Variants in USP34 observed in about 807,000 individuals in gnomAD.
USP34 encodes ubiquitin carboxyl-terminal hydrolase 34.
Under a neutral mutation model 460.3 loss-of-function variants are expected in USP34, and 70 were observed. The ratio of observed to expected loss-of-function variants is 0.15; its 90% CI spans 0.13 to 0.19. The LOEUF is 0.19. Ranked by LOEUF, USP34 falls within the 10% of genes least tolerant of loss-of-function variation. USP34 has a pLI of 1.00. For missense variants in USP34, 3,985 were observed against 4,236.2 expected (o/e 0.94, Z 1.65); for synonymous variants, 1,647 against 1,405.3 (o/e 1.17, Z -3.85).
chr2:61,417,419 G>A, intron 2 of USP34: 2 of 440,632 alleles, frequency 4.5e-6, no homozygotes, highest in Non-Finnish European at 4.3e-6. Context: ...ACAGCTATAT[G>A]ACTGTTAAAC....
intron 43 of USP34, among the ~76,000 whole-genome samples, chr2:61,264,946 C>T (rs1009333806): frequency 3.3e-5 from 5 of 152,166 alleles, no homozygotes; most frequent in African/African-American, 1.2e-4. Context: ...GCAGAGCTTA[C>T]ACAAACAAAT....
chr2:61,220,755 A>G (rs775435421), intron 66 of USP34, among the ~76,000 whole-genome samples: 2 of 152,206 alleles, frequency 1.3e-5, no homozygotes, highest in African/African-American at 4.8e-5. Context: ...AATTTATTTA[A>G]AAGTATTTTT....
In USP34 at chr2:61,187,731, T is replaced by TA. The variant is rs1413355194; in HGVS notation, c.*370dup. On this transcript the variant is annotated 3_prime_UTR_variant, in exon 80 of 80. Coordinates refer to ENST00000398571, the MANE Select transcript of USP34 (RefSeq NM_014709.4). ...AGCGATCGGAGGCAATCTGCCTCTA[T>TA]AAGGTACAAAACTGGCACAGAGGAC... 2 of 472,250 alleles carry TA rather than the reference T, an allele frequency of 4.2e-6. No individual in the cohort carries two copies. The highest frequency in any genetic ancestry group is 4.3e-5 in the African/African-American group (2 of 46,980). 29.3% of individuals were successfully genotyped at this position (472,250 alleles called of 1,614,324 possible).
rs1418041613 is a variant in USP34, at chr2:61,188,326, T to TAGA, written c.10414_10416dup (p.Ser3472dup). On this transcript the variant is annotated inframe_insertion, in exon 80 of 80. Coordinates refer to ENST00000398571, the MANE Select transcript of USP34 (RefSeq NM_014709.4). ...GCTAAGTCAGACAGAACTGCAGAGA[T>TAGA]AGAAGTAGAAGGGAACTCAGATTCT... is the stretch of plus-strand genomic sequence containing the variant. 1 of 1,613,464 alleles carries TAGA rather than the reference T, an allele frequency of 6.2e-7. No homozygotes were observed. Among genetic ancestry groups the TAGA allele is most frequent in the African/African-American group, 1.3e-5 (1 of 74,884 alleles).
At chr2:61,354,087 A>G (rs551414547) in intron 10 of USP34, among the ~76,000 whole-genome samples, 1 of 152,346 alleles carries the variant, frequency 6.6e-6, no homozygotes, top group Admixed American at 6.5e-5. Flanking sequence ...ATGGAAAGAC[A>G]GAATACTTAA....
chr2:61,386,127 T>C (rs1347990688), intron 5 of USP34, among the ~76,000 whole-genome samples: 2 of 152,064 alleles, frequency 1.3e-5, no homozygotes, highest in East Asian at 3.9e-4. Flanking sequence ...TAGAATGGTA[T>C]ACTATGCCAA....
At chr2:61,201,152 G>A (rs1686963530) in intron 75 of USP34, among the ~76,000 whole-genome samples, 5 of 151,476 alleles carry the variant, frequency 3.3e-5, no homozygotes, top group Admixed American at 2.6e-4. Context: ...CACAAATGAT[G>A]GGCTACTGAC....
intron 5 of USP34, among the ~76,000 whole-genome samples, chr2:61,386,657 G>T (rs1346148623): frequency 1.3e-5 from 2 of 152,064 alleles, no homozygotes; most frequent in Non-Finnish European, 2.9e-5. Flanking sequence ...GGGCGTGGTG[G>T]CAAGTGCCTG....
chr2:61,336,407 T>TGA (rs371119394), intron 18 of USP34, among the ~76,000 whole-genome samples: 1 of 151,860 alleles, frequency 6.6e-6, no homozygotes, highest in African/African-American at 2.4e-5. Flanking sequence ...CTTACACGCG[T>TGA]GAGACACTGT....
At chr2:61,363,135 G>A (rs1343354297) in intron 10 of USP34, among the ~76,000 whole-genome samples, 1 of 152,094 alleles carries the variant, frequency 6.6e-6, no homozygotes, top group Non-Finnish European at 1.5e-5. Flanking sequence ...CCAGGAAAAT[G>A]CAAATAAAAA....
intron 41 of USP34, among the ~76,000 whole-genome samples, chr2:61,276,260 C>T (rs566777834): frequency 2.6e-5 from 4 of 152,222 alleles, no homozygotes; most frequent in Non-Finnish European, 4.4e-5. Context: ...TTAAAATCAA[C>T]CTATTTTACT....
intron 79 of USP34, 82 bp from the exon 80 acceptor site, chr2:61,188,791 G>A: frequency 6.4e-7 from 1 of 1,566,650 alleles, no homozygotes; most frequent in Non-Finnish European, 8.6e-7. Context: ...AGTTAATTTT[G>A]TTTCTAGCAT....
chr2:61,235,230 A>T (rs1197812451), intron 57 of USP34, among the ~76,000 whole-genome samples: 1 of 152,114 alleles, frequency 6.6e-6, no homozygotes, highest in African/African-American at 2.4e-5. Context: ...TGTCATTTAT[A>T]CCTTAATAAA....
chr2:61,438,471 C>G (rs1694877905), intron 1 of USP34, among the ~76,000 whole-genome samples: 1 of 151,878 alleles, frequency 6.6e-6, no homozygotes, highest in African/African-American at 2.4e-5. Context: ...AAATTAGCCA[C>G]AAGCTGTAAT....
At chr2:61,378,527 A>T in intron 7 of USP34, 103 bp from the exon 8 acceptor site, 2 of 642,396 alleles carry the variant, frequency 3.1e-6, no homozygotes, top group Non-Finnish European at 5.4e-6. Context: ...TGTAGATCAC[A>T]ATAACTAGAT....
At chr2:61,260,817 T>G (rs1259631562) in intron 43 of USP34, among the ~76,000 whole-genome samples, 1 of 152,164 alleles carries the variant, frequency 6.6e-6, no homozygotes, top group Non-Finnish European at 1.5e-5. Flanking sequence ...AATAAAGACC[T>G]GGATTTATAT....
chr2:61,442,269 C>T (rs1694986985), intron 1 of USP34, among the ~76,000 whole-genome samples: 1 of 151,944 alleles, frequency 6.6e-6, no homozygotes, highest in Non-Finnish European at 1.5e-5. Flanking sequence ...TGTCAAACTA[C>T]AAAACTTCTG....
Position 61,421,774 on chromosome 2 carries a change from A to AACAC in USP34, c.44-945_44-942dup, listed in dbSNP as rs34490089. On this transcript the variant is annotated intron_variant, in intron 1 of 79. Transcript: ENST00000398571. ...ATATATGAGGTTAGTTTACATTTAA[A>AACAC]ACACACACACACACACACACACACG... 3.4e-3 allele frequency among the ~76,000 whole-genome samples: 507 copies of AACAC among 149,284 alleles called. 2 individuals are homozygous for AACAC. The highest frequency in any genetic ancestry group is 9.5e-3 in the African/African-American group (391 of 40,970).
At chr2:61,347,042 A>C (rs1417985722) in intron 15 of USP34, among the ~76,000 whole-genome samples, 2 of 151,916 alleles carry the variant, frequency 1.3e-5, no homozygotes, top group African/African-American at 2.4e-5. Context: ...CAGGAGGCTG[A>C]GGCACAAGAA....
Sources: allele counts gnomAD v4.1 joint callset (sites outside exome capture counted in the v4.1 genomes callset), GRCh38; gene constraint gnomAD v4.1.1; transcripts MANE v1.5; gene names NCBI Gene and HGNC (gene_info 2026-07-23, HGNC 2026-07-21).